MAP7D2: variants seen among roughly 807,000 people sequenced by gnomAD.
MAP7D2 encodes the protein MAP7 domain containing 2, also known as MAP7 domain-containing protein 2.
A neutral mutation model predicts 63.5 loss-of-function variants in MAP7D2; 33 were observed. That is an observed-to-expected ratio of 0.52 (90% CI 0.39 to 0.70). The LOEUF (loss-of-function observed/expected upper bound fraction) is 0.70. MAP7D2 is among the 30% of genes least tolerant of loss of function. The pLI is 0.00. For missense variants in MAP7D2, 626 were observed against 604.0 expected, an observed-to-expected ratio of 1.04 and a Z score of -0.38; for synonymous variants, 224 against 223.7, an observed-to-expected ratio of 1.00 and a Z score of -0.01.
At chrX:20,047,316 T>TC (rs765659283) in intron 6 of MAP7D2, among the ~76,000 whole-genome samples, 2 of 112,218 alleles carry the variant, frequency 1.8e-5, no homozygotes, top group East Asian at 5.6e-4. Flanking sequence ...ACTCTTTTTT[T>TC]CCAGGGAACC....
intron 3 of MAP7D2, among the ~76,000 whole-genome samples, chrX:20,058,304 T>C (rs1314135644): frequency 1.8e-5 from 2 of 112,578 alleles, no homozygotes; most frequent in Non-Finnish European, 3.7e-5. Flanking sequence ...TGAATAGTAT[T>C]TCATTATACG....
intron 1 of MAP7D2, among the ~76,000 whole-genome samples, chrX:20,091,690 C>T (rs934996501): frequency 9.0e-6 from 1 of 111,580 alleles, no homozygotes; most frequent in Non-Finnish European, 1.9e-5. Context: ...TCTCTGACCT[C>T]GCTCAGAAAA....
In MAP7D2 at chrX:20,098,846, CA is replaced by C. The variant is rs2066347168; in HGVS notation, c.130+17903del. 2.7e-5 allele frequency among the ~76,000 whole-genome samples: 3 copies of C among 112,536 alleles called. No individual in the cohort carries two copies. In the South Asian group the frequency reaches 1.1e-3, roughly 41 times the overall value. On this transcript the variant is annotated intron_variant, in intron 1 of 16. Transcript: ENST00000379643. ...CCTGACATTTTCCACATCTCAAACA[CA>C]GCAGGCAGAGATAAGTGGATGTCTA... is the stretch of plus-strand genomic sequence containing the variant.
intron 3 of MAP7D2, among the ~76,000 whole-genome samples, chrX:20,059,589 T>A (rs866548824): frequency 2.0e-4 from 15 of 74,142 alleles, no homozygotes; most frequent in South Asian, 5.9e-4. Flanking sequence ...AGTGGAAGGG[T>A]GGAAGGAAGG....
At position 20,044,474 on chromosome X, in the gene MAP7D2, A is replaced by C. The variant is rs746932489; in HGVS notation, c.769T>G (p.Tyr257Asp). The change falls in exon 7 of 17, where the codon TAC (tyrosine) becomes GAC (aspartate). Residue 257 changes from tyrosine to aspartate, a missense_variant. Tyr to Asp is a radical substitution (Grantham distance 160). Coordinates refer to ENST00000379643, the MANE Select transcript of MAP7D2 (RefSeq NM_001168465.2). ...LAPLGPLNPS[Y>D]KSSPTRNIEK... Reference sequence around the variant, plus strand: ...ATGTTTCGAGTGGGTGAAGACTTGTAAGAAGGGTTAAGAGGGCCAAGAGGA... The same window carrying C: ...ATGTTTCGAGTGGGTGAAGACTTGTCAGAAGGGTTAAGAGGGCCAAGAGGA... 1 of 1,208,865 alleles carries C rather than the reference A, an allele frequency of 8.3e-7. No homozygotes were observed. Among genetic ancestry groups the C allele is most frequent in the South Asian group, 1.8e-5 (1 of 56,782 alleles).
intron 1 of MAP7D2, among the ~76,000 whole-genome samples, chrX:20,111,491 A>G (rs2066741473): frequency 9.0e-6 from 1 of 111,204 alleles, no homozygotes; most frequent in Non-Finnish European, 1.9e-5. Flanking sequence ...ATGAAGACCC[A>G]CCCACAGACT....
In MAP7D2 at chrX:20,094,509, T is replaced by TATAC. The variant is rs2066168539; in HGVS notation, c.130+22240_130+22241insGTAT. Among the ~76,000 whole-genome samples the TATAC allele has an allele frequency of 1.1e-4, 2 of 18,157 alleles. 1 individual carries two copies. The highest frequency in any genetic ancestry group is 2.4e-4 in the Non-Finnish European group (2 of 8,464). 15.8% of individuals were successfully genotyped at this position (18,157 alleles called of 115,157 possible). ...ATACATATATATATATATATATATA[T>TATAC]ATATATGTATATATATATATATATA... On this transcript the variant is annotated intron_variant, in intron 1 of 16. Coordinates refer to ENST00000379643, the MANE Select transcript of MAP7D2 (RefSeq NM_001168465.2).
chrX:20,050,469 C>T (rs2064916491), intron 6 of MAP7D2, among the ~76,000 whole-genome samples: 1 of 111,879 alleles, frequency 8.9e-6, no homozygotes. Flanking sequence ...TAACTTACCC[C>T]CAATGGTGAG....
intron 1 of MAP7D2, among the ~76,000 whole-genome samples, chrX:20,093,478 G>A (rs1287888375): frequency 3.6e-5 from 4 of 110,898 alleles, no homozygotes; most frequent in African/African-American, 1.3e-4. Context: ...TCAACATGGT[G>A]AAACCCCGTC....
At chrX:20,062,581 G>A (rs1569101724) in intron 3 of MAP7D2, among the ~76,000 whole-genome samples, 1 of 111,155 alleles carries the variant, frequency 9.0e-6, no homozygotes, top group Non-Finnish European at 1.9e-5. Context: ...ATATCCTATA[G>A]GGTTGGAGAT....
At chrX:20,051,545 C>CA (rs1197922116) in intron 5 of MAP7D2, among the ~76,000 whole-genome samples, 87 of 68,088 alleles carry the variant, frequency 1.3e-3, no homozygotes, top group African/African-American at 2.7e-3. Flanking sequence ...GAGCCTGTCT[C>CA]AAAAAAAAAA....
intron 3 of MAP7D2, among the ~76,000 whole-genome samples, chrX:20,058,139 G>C (rs2065111378): frequency 8.9e-6 from 1 of 112,448 alleles, no homozygotes; most frequent in South Asian, 3.7e-4. Flanking sequence ...ACAATCGTGA[G>C]TATGCATGCC....
In MAP7D2 at chrX:20,016,303, T is replaced by C. The variant is rs2073389002; in HGVS notation, c.1435A>G (p.Arg479Gly). ...CGAAGCCTTTCCTCCTCTGCCTTTC[T>C]TTTCAATTCCTCTCTCTCCAGCCTT... ...QDRLEREELK[R>G]KAEEERLRLE... The change falls in exon 11 of 17, where the codon AGA becomes GGA. Residue 479 changes from arginine (R) to glycine (G), a missense_variant. Arg to Gly is a moderately radical substitution (Grantham distance 125, BLOSUM62 -2). Transcript: ENST00000379643. 1 of 1,209,006 alleles carries C rather than the reference T, an allele frequency of 8.3e-7. No individual in the cohort carries two copies. The highest frequency in any genetic ancestry group is 2.2e-5 in the Admixed American group (1 of 45,634).
At chrX:20,043,007 T>C (rs1430694219) in intron 7 of MAP7D2, among the ~76,000 whole-genome samples, 1 of 111,931 alleles carries the variant, frequency 8.9e-6, no homozygotes, top group African/African-American at 3.3e-5. Flanking sequence ...CTGTGGCCCC[T>C]GATGGTATAC....
intron 7 of MAP7D2, 70 bp from the exon 8 acceptor site, chrX:20,042,699 C>G: frequency 8.9e-7 from 1 of 1,120,654 alleles, no homozygotes. Context: ...ACTAATACCC[C>G]AGATGGAACA....
chrX:20,056,287 A>G (rs1289852304), intron 4 of MAP7D2, among the ~76,000 whole-genome samples: 1 of 111,994 alleles, frequency 8.9e-6, no homozygotes, highest in East Asian at 2.8e-4. Flanking sequence ...TTTTTGGAGG[A>G]TAACTGCCAC....
chrX:20,022,541 A>T (rs1003335961), intron 10 of MAP7D2, among the ~76,000 whole-genome samples: 11 of 110,670 alleles, frequency 9.9e-5, no homozygotes, highest in Non-Finnish European at 1.9e-4. Context: ...GAGCTGAGGA[A>T]GGAGAGGAGG....
Position 20,016,244 on chromosome X carries a change from T to G in MAP7D2, c.1494A>C (p.Glu498Asp). 8.3e-7 allele frequency: 1 copy of G among 1,210,305 alleles called. No individual in the cohort carries two copies. Among genetic ancestry groups the G allele is most frequent in the Non-Finnish European group, 1.1e-6 (1 of 894,644 alleles). Residue 498 changes from glutamate to aspartate, a missense_variant, in exon 11 of 17, where the codon GAA (glutamate) becomes GAC (aspartate). Coordinates refer to ENST00000379643, the MANE Select transcript of MAP7D2 (RefSeq NM_001168465.2). ...LEEEARKQEEERKRQEEEKKK... is the reference protein window; with the variant it reads ...LEEEARKQEEDRKRQEEEKKK... ...TCTTTTCCTCTTCCTGCCGCTTCCT[T>G]TCTTCTTCCTGCTTTCGGGCTTCCT...
intron 1 of MAP7D2, among the ~76,000 whole-genome samples, chrX:20,072,778 A>C (rs752089340): frequency 8.1e-5 from 9 of 111,520 alleles, no homozygotes; most frequent in Non-Finnish European, 1.7e-4. Flanking sequence ...TAACCATCAC[A>C]CTGGATAAAT....
Sources: allele counts gnomAD v4.1 joint callset (sites outside exome capture counted in the v4.1 genomes callset), GRCh38; gene constraint gnomAD v4.1.1; transcripts MANE v1.5; gene names NCBI Gene and HGNC (gene_info 2026-07-23, HGNC 2026-07-21).